Variants in PRMT3 observed in about 807,000 individuals in gnomAD.
PRMT3 encodes protein arginine N-methyltransferase 3.
PRMT3 carries 62 observed loss-of-function variants against 71.9 expected under a neutral mutation model. The ratio of observed to expected loss-of-function variants is 0.86; its 90% CI spans 0.70 to 1.07. The LOEUF is 1.07. Ranked by LOEUF, PRMT3 falls within the 50% of genes least tolerant of loss-of-function variation. The pLI is 0.00. For synonymous variants in PRMT3, 213 were observed against 220.4 expected, an observed-to-expected ratio of 0.97 and a Z score of 0.30; for missense variants, 663 against 643.0, an observed-to-expected ratio of 1.03 and a Z score of -0.34.
chr11:20,407,271 T>C (rs1454489894), intron 8 of PRMT3: 2 of 152,230 alleles, frequency 1.3e-5, no homozygotes, highest in African/African-American at 2.4e-5. Context: ...TGGAAACTTA[T>C]TATATACTGT....
intron 15 of PRMT3, among the ~76,000 whole-genome samples, chr11:20,504,745 A>AGAGAGAGAGAGAGAGAGAGCGC (rs1491497481): frequency 2.1e-5 from 3 of 141,140 alleles, no homozygotes; most frequent in African/African-American, 7.8e-5. Context: ...AGAGAGAGAG[A>AGAGAGAGAGAGAGAGAGAGCGC]GCGAGAGCGA....
chr11:20,392,381 T>C (rs970574875), intron 4 of PRMT3, 121 bp downstream of exon 4: 1 of 1,055,084 alleles, frequency 9.5e-7, no homozygotes, highest in Non-Finnish European at 1.3e-6. Context: ...ACTCATCATA[T>C]TGGGGGAATC....
intron 13 of PRMT3, among the ~76,000 whole-genome samples, chr11:20,473,332 T>C (rs901930074): frequency 6.6e-6 from 1 of 152,118 alleles, no homozygotes; most frequent in African/African-American, 2.4e-5. Flanking sequence ...AGGATGTCGA[T>C]TTGAGATCTT....
chr11:20,391,611 T>G (rs1848717279), intron 3 of PRMT3, among the ~76,000 whole-genome samples: 1 of 152,210 alleles, frequency 6.6e-6, no homozygotes, highest in South Asian at 2.1e-4. Flanking sequence ...GTTTTGTTTT[T>G]TTTTTACTTA....
chr11:20,407,730 T>G (rs939116321), intron 8 of PRMT3, 181 bp from the exon 9 acceptor site: 9 of 483,290 alleles, frequency 1.9e-5, no homozygotes, highest in African/African-American at 1.8e-4. Context: ...GACTCCTGCC[T>G]GTAATCCCAG....
intron 15 of PRMT3, among the ~76,000 whole-genome samples, chr11:20,499,391 G>A (rs1830900922): frequency 6.6e-6 from 1 of 152,222 alleles, no homozygotes; most frequent in Non-Finnish European, 1.5e-5. Flanking sequence ...GGAGGCCAAG[G>A]CAGCAGGATC....
chr11:20,490,821 T>TTG (rs76319851), intron 13 of PRMT3, among the ~76,000 whole-genome samples: 1 of 151,878 alleles, frequency 6.6e-6, no homozygotes, highest in African/African-American at 2.4e-5. Flanking sequence ...GTTCTTGTTG[T>TTG]TCCAGTTTAC....
intron 13 of PRMT3, among the ~76,000 whole-genome samples, chr11:20,492,531 TC>T (rs1851231850): frequency 6.6e-6 from 1 of 152,140 alleles, no homozygotes; most frequent in South Asian, 2.1e-4. Context: ...CCCTACCAGA[TC>T]AATAAAATGT....
At chr11:20,412,689 C>G (rs1849220753) in intron 9 of PRMT3, among the ~76,000 whole-genome samples, 1 of 151,908 alleles carries the variant, frequency 6.6e-6, no homozygotes, top group African/African-American at 2.4e-5. Flanking sequence ...AATGACTTAG[C>G]ACTCAATCTT....
At chr11:20,402,153 C>T (rs1848962099) in intron 7 of PRMT3, among the ~76,000 whole-genome samples, 1 of 151,814 alleles carries the variant, frequency 6.6e-6, no homozygotes, top group East Asian at 1.9e-4. Flanking sequence ...AATTTGCGCT[C>T]TTGTGGCCCA....
chr11:20,428,907 T>G (rs1849600572), intron 10 of PRMT3, among the ~76,000 whole-genome samples: 1 of 152,172 alleles, frequency 6.6e-6, no homozygotes, highest in South Asian at 2.1e-4. Context: ...ATGCTGAAAT[T>G]CCAGCATCCA....
intron 8 of PRMT3, among the ~76,000 whole-genome samples, chr11:20,403,536 C>G (rs1439771208): frequency 6.6e-6 from 1 of 151,770 alleles, no homozygotes; most frequent in Non-Finnish European, 1.5e-5. Flanking sequence ...ATCTTATACC[C>G]TGTGTGTGCA....
Position 20,421,997 on chromosome 11 carries a change from T to C in PRMT3, c.894-4769T>C, listed in dbSNP as rs368407338. 3.3e-5 allele frequency among the ~76,000 whole-genome samples: 5 copies of C among 152,324 alleles called. No homozygotes were observed. In the South Asian group the frequency reaches 1.0e-3, roughly 32 times the overall value. ...TGCCTACTCCTTCAGAAGGACTGTT[T>C]GCTTTATATGTGGGGAAGAGAGTAT... On this transcript the variant is annotated intron_variant, in intron 9 of 15. Transcript: ENST00000331079.
intron 11 of PRMT3, among the ~76,000 whole-genome samples, chr11:20,455,568 C>T (rs1289815513): frequency 1.3e-5 from 2 of 152,034 alleles, no homozygotes; most frequent in Non-Finnish European, 2.9e-5. Context: ...CTTTTAAAAT[C>T]AGCTGAAGTA....
intron 2 of PRMT3, 95 bp from the exon 3 acceptor site, chr11:20,389,647 CAG>C (rs1848669059): frequency 1.6e-6 from 1 of 621,332 alleles, no homozygotes; most frequent in South Asian, 2.5e-5. Flanking sequence ...TAGAAACCAG[CAG>C]AGTTAAAAAA....
At chr11:20,436,355 C>CAT (rs928588101) in intron 10 of PRMT3, among the ~76,000 whole-genome samples, 25 of 152,312 alleles carry the variant, frequency 1.6e-4, no homozygotes, top group African/African-American at 5.8e-4. Flanking sequence ...TGGACATCCT[C>CAT]ATCTTATTCC....
At chr11:20,423,525 C>A (rs1849472043) in intron 9 of PRMT3, among the ~76,000 whole-genome samples, 1 of 152,102 alleles carries the variant, frequency 6.6e-6, no homozygotes, top group Non-Finnish European at 1.5e-5. Flanking sequence ...ATATGTCCTG[C>A]AAGTCTAAAA....
At chr11:20,417,665 T>C (rs1338960762) in intron 9 of PRMT3, among the ~76,000 whole-genome samples, 3 of 152,198 alleles carry the variant, frequency 2.0e-5, no homozygotes, top group African/African-American at 7.2e-5. Context: ...AGATAAGTCA[T>C]AGCATTACCT....
rs550546425 is a variant in PRMT3, at chr11:20,474,178, C to T, written c.1347+9632C>T. Among the ~76,000 whole-genome samples, 13 of 152,284 alleles carry T rather than the reference C, an allele frequency of 8.5e-5. 1 individual carries two copies. The highest frequency in any genetic ancestry group is 3.3e-4 in the Admixed American group (5 of 15,300). On this transcript the variant is annotated intron_variant, in intron 13 of 15. Coordinates refer to ENST00000331079, the MANE Select transcript of PRMT3 (RefSeq NM_005788.4). ...GGTAGCAGGAGTGGGATCAGGGATC[C>T]GCTTAAAGAAGGAGTCTGGCTCCTT...
Sources: gnomAD v4.1 joint callset for allele counts (sites outside exome capture counted in the v4.1 genomes callset) on GRCh38, gnomAD v4.1.1 for gene constraint, MANE v1.5 for transcripts, NCBI Gene and HGNC (gene_info 2026-07-23, HGNC 2026-07-21) for gene names.